PLXDC1: variants seen among roughly 807,000 people sequenced by gnomAD.
PLXDC1 encodes plexin domain-containing protein 1.
A neutral mutation model predicts 61.3 loss-of-function variants in PLXDC1; 39 were observed. The ratio of observed to expected loss-of-function variants is 0.64; its 90% CI spans 0.49 to 0.83. The LOEUF (loss-of-function observed/expected upper bound fraction) is 0.83. PLXDC1 is among the 40% of genes least tolerant of loss of function. The pLI is 0.00. For missense variants in PLXDC1, 596 were observed against 666.5 expected, an observed-to-expected ratio of 0.89 and a Z score of 1.17; for synonymous variants, 212 against 254.5, an observed-to-expected ratio of 0.83 and a Z score of 1.59.
At chr17:39,082,356 A>C (rs1909592635) in intron 9 of PLXDC1, among the ~76,000 whole-genome samples, 1 of 152,152 alleles carries the variant, frequency 6.6e-6, no homozygotes, top group Non-Finnish European at 1.5e-5. Context: ...AGTTTGAGAC[A>C]AGCCTGGCCA....
chr17:39,085,341 C>A (rs924835752), intron 8 of PLXDC1, among the ~76,000 whole-genome samples: 4 of 152,220 alleles, frequency 2.6e-5, no homozygotes, highest in African/African-American at 7.2e-5. Context: ...AGGAAAGAAG[C>A]AGGGGCTGCC....
intron 6 of PLXDC1, 40 bp from the exon 7 acceptor site, chr17:39,105,993 C>T (rs1235150402): frequency 1.4e-6 from 2 of 1,405,472 alleles, no homozygotes; most frequent in African/African-American, 1.4e-5. Flanking sequence ...CTCCCAAACG[C>T]TCTGGGGCCC....
At chr17:39,138,487 G>C (rs749836242) in intron 2 of PLXDC1, among the ~76,000 whole-genome samples, 2 of 152,174 alleles carry the variant, frequency 1.3e-5, no homozygotes, top group African/African-American at 2.4e-5. Flanking sequence ...GTTGCTCAGC[G>C]GGAGTATACA....
In PLXDC1 at chr17:39,149,363, A is replaced by T. The variant is rs574151625; in HGVS notation, c.76+1999T>A. On this transcript the variant is annotated intron_variant, in intron 1 of 13. Coordinates refer to ENST00000315392, the MANE Select transcript of PLXDC1 (RefSeq NM_020405.5). ...CAATCAGGTCAGGCTGCCCCTCCTT[A>T]GCAACTCTCCCCCAGAACGTCCTTC... Among the ~76,000 whole-genome samples, 3 of 151,948 alleles carry T rather than the reference A, an allele frequency of 2.0e-5. No homozygotes were observed. The South Asian group carries it at 6.2e-4, about 32-fold the overall frequency.
In PLXDC1 at chr17:39,063,907, G is replaced by A. The variant is rs543435483; in HGVS notation, c.*3933C>T. 60 of 168,594 alleles carry A rather than the reference G, an allele frequency of 3.6e-4. No homozygotes were observed. The highest frequency in any genetic ancestry group is 1.3e-3 in the African/African-American group (56 of 41,934). The allele number at this position is 168,594 out of a possible 1,614,324, so 10.4% of individuals were successfully genotyped here. A position where few individuals can be genotyped will look rare whatever the true frequency, so the allele number is the denominator to read the frequency against. On this transcript the variant is annotated 3_prime_UTR_variant, in exon 14 of 14. Transcript: ENST00000315392. ...AGGAACTAGAGGAGAGAGAGCCTTA[G>A]CCTTGCCTGCAACCAGATGAATGGT...
At chr17:39,136,142 A>G (rs1027722563) in intron 2 of PLXDC1, among the ~76,000 whole-genome samples, 1 of 151,768 alleles carries the variant, frequency 6.6e-6, no homozygotes, top group Non-Finnish European at 1.5e-5. Context: ...CTGTCCTTCC[A>G]CTCCACCATC....
chr17:39,087,664 C>G lies in PLXDC1; in HGVS notation c.850G>C (p.Glu284Gln). The G allele has an allele frequency of 1.2e-6, 2 of 1,614,082 alleles. No individual in the cohort carries two copies. The highest frequency in any genetic ancestry group is 1.7e-6 in the Non-Finnish European group (2 of 1,180,004). Reference protein sequence around the residue: ...RRSIFEYHRIELDPSKVTSMS... With the variant: ...RRSIFEYHRIQLDPSKVTSMS... The stretch of plus-strand genomic sequence containing the variant: ...CTGGTGACCTTGCTGGGGTCCAGCT[C>G]TATGCGGTGATATTCAAAGATGCTC... The change falls in exon 8 of 14, where the codon GAG (glutamate) becomes CAG (glutamine). Residue 284 changes from glutamate (E) to glutamine (Q), a missense_variant. Transcript: ENST00000315392.
intron 11 of PLXDC1, among the ~76,000 whole-genome samples, chr17:39,075,922 A>T (rs565111622): frequency 1.1e-4 from 16 of 152,234 alleles, no homozygotes; most frequent in Middle Eastern, 3.4e-3. Context: ...TACTAAAAAT[A>T]CAAAAATTAG....
intron 11 of PLXDC1, chr17:39,072,707 G>A (rs1444211843): frequency 2.6e-5 from 15 of 570,192 alleles, no homozygotes; most frequent in Non-Finnish European, 4.8e-5. Context: ...GAGGCTGGGA[G>A]TGGAGGGCCG....
chr17:39,117,901 G>A (rs1040273891), intron 2 of PLXDC1, among the ~76,000 whole-genome samples: 1 of 152,162 alleles, frequency 6.6e-6, no homozygotes, highest in African/African-American at 2.4e-5. Flanking sequence ...GACTTCAGCT[G>A]GGGCAGGGCT....
upstream of PLXDC1, among the ~76,000 whole-genome samples, chr17:39,152,136 G>A (rs1358070376): frequency 8.6e-6 from 1 of 116,218 alleles, no homozygotes; most frequent in East Asian, 2.4e-4. Context: ...TTCTCCCCAA[G>A]AGGGGCCTGA....
chr17:39,130,776 G>A (rs932138988), intron 2 of PLXDC1, among the ~76,000 whole-genome samples: 31 of 152,028 alleles, frequency 2.0e-4, no homozygotes, highest in African/African-American at 6.8e-4. Context: ...TGGCCGGGTT[G>A]GTCTCGAATT....
At chr17:39,143,418 G>A (rs1280334719) in intron 1 of PLXDC1, among the ~76,000 whole-genome samples, 1 of 152,212 alleles carries the variant, frequency 6.6e-6, no homozygotes, top group African/African-American at 2.4e-5. Flanking sequence ...GCACCTACGT[G>A]TGCGACTATG....
chr17:39,108,673 T>C, intron 4 of PLXDC1: 1 of 574,200 alleles, frequency 1.7e-6, no homozygotes, highest in Non-Finnish European at 3.1e-6. Context: ...CACTGACTCG[T>C]GCTGGCCCGA....
intron 2 of PLXDC1, among the ~76,000 whole-genome samples, chr17:39,116,835 T>C (rs899370542): frequency 7.2e-5 from 11 of 152,348 alleles, no homozygotes; most frequent in African/African-American, 2.2e-4. Context: ...CTATAGCCAC[T>C]GAGGCAGCAT....
chr17:39,115,219 T>A (rs1009400158), intron 2 of PLXDC1, among the ~76,000 whole-genome samples: 2 of 152,204 alleles, frequency 1.3e-5, no homozygotes, highest in Non-Finnish European at 2.9e-5. Flanking sequence ...AAAACTTCCA[T>A]CTATTCTGAC....
At chr17:39,133,212 C>T (rs917150976) in intron 2 of PLXDC1, among the ~76,000 whole-genome samples, 27 of 152,178 alleles carry the variant, frequency 1.8e-4, no homozygotes, top group African/African-American at 4.1e-4. Flanking sequence ...AGGGCGTTTG[C>T]GGTCTGGCTG....
chr17:39,080,009 A>C (rs1344275869), intron 9 of PLXDC1: 1 of 171,738 alleles, frequency 5.8e-6, no homozygotes, highest in Non-Finnish European at 1.3e-5. Context: ...CTCCTCCTGC[A>C]GCAGGGATGG....
intron 7 of PLXDC1, 102 bp from the exon 8 acceptor site, chr17:39,087,804 C>T: frequency 2.6e-6 from 2 of 764,628 alleles, no homozygotes; most frequent in Non-Finnish European, 4.5e-6. Context: ...GCACTGAAGG[C>T]AGTAAGTGCA....
Sources: gnomAD v4.1 joint callset for allele counts (sites outside exome capture counted in the v4.1 genomes callset) on GRCh38, gnomAD v4.1.1 for gene constraint, MANE v1.5 for transcripts, NCBI Gene and HGNC (gene_info 2026-07-23, HGNC 2026-07-21) for gene names.